RTEL1: variants seen among roughly 807,000 people sequenced by gnomAD.
RTEL1 encodes the protein regulator of telomere length.
Under a neutral mutation model 162.2 loss-of-function variants are expected in RTEL1, and 86 were observed. The observed-to-expected ratio is 0.53, with a 90% CI of 0.45 to 0.63. The LOEUF (loss-of-function observed/expected upper bound fraction) is 0.63, where lower values mean the gene tolerates loss of function less well. Ranked by LOEUF, RTEL1 falls within the 30% of genes least tolerant of loss-of-function variation. RTEL1 has a pLI of 0.00. For missense variants in RTEL1, 1,941 were observed against 1,750.2 expected (o/e 1.11, Z -1.95); for synonymous variants, 958 against 717.9 (o/e 1.33, Z -5.35).
In RTEL1 at chr20:63,659,365, C is replaced by G. The variant is rs1569077522; in HGVS notation, c.-38C>G. 1 of 1,508,750 alleles carries G rather than the reference C, an allele frequency of 6.6e-7. No individual in the cohort carries two copies. The highest frequency in any genetic ancestry group is 9.2e-7 in the Non-Finnish European group (1 of 1,084,254). 93.5% of individuals were successfully genotyped at this position (1,508,750 alleles called of 1,614,324 possible). A position where few individuals can be genotyped will look rare whatever the true frequency, so the allele number is the denominator to read the frequency against. ...TCGCACAGACCCGAATAGCCTGCCCCTCAGCCACGCTCTGTGCCCTTCTGA... is the reference window on the plus strand; with the variant it reads ...TCGCACAGACCCGAATAGCCTGCCCGTCAGCCACGCTCTGTGCCCTTCTGA... On this transcript the variant is annotated 5_prime_UTR_variant, in exon 2 of 35. Transcript: ENST00000360203.
chr20:63,689,670 C>T (rs759370173), intron 23 of RTEL1, 22 bp downstream of exon 23: 5 of 1,608,604 alleles, frequency 3.1e-6, no homozygotes, highest in Admixed American at 1.7e-5. Context: ...CAGGGTGGGG[C>T]TGGGGTAAGG....
In RTEL1 at chr20:63,690,365, G is replaced by C. The variant is rs769675904; in HGVS notation, c.2337G>C (p.Ser779=). 6.2e-7 allele frequency: 1 copy of C among 1,611,764 alleles called. No homozygotes were observed. The highest frequency in any genetic ancestry group is 8.5e-7 in the Non-Finnish European group (1 of 1,179,436). Residue 779 remains serine, a synonymous_variant, in exon 26 of 35, where the codon TCG becomes TCC. Coordinates refer to ENST00000360203, the MANE Select transcript of RTEL1 (RefSeq NM_001283009.2). The part of the protein sequence containing the change: ...RGEDAVSEAK[S]PGPFFSTRKA... The stretch of plus-strand genomic sequence containing the variant: ...AAGATGCTGTCAGCGAGGCCAAGTC[G>C]CCTGGCCCCTTCTTCTCCACCAGGA...
chr20:63,679,822 T>G, intron 12 of RTEL1, 27 bp from the exon 13 acceptor site: 1 of 1,590,728 alleles, frequency 6.3e-7, no homozygotes, highest in Non-Finnish European at 8.6e-7. Context: ...CCCGCCAGGC[T>G]CGAGCCTGCC....
intron 10 of RTEL1, among the ~76,000 whole-genome samples, chr20:63,674,698 A>T (rs2090314131): frequency 7.0e-6 from 1 of 142,642 alleles, no homozygotes; most frequent in African/African-American, 2.5e-5. Flanking sequence ...AGGCCATCTC[A>T]AAAAAAAAAA....
Position 63,687,684 on chromosome 20 carries a change from C to G in RTEL1, c.1395C>G (p.His465Gln). The G allele has an allele frequency of 6.2e-7, 1 of 1,608,814 alleles. No individual in the cohort carries two copies. Among genetic ancestry groups the G allele is most frequent in the Non-Finnish European group, 8.5e-7 (1 of 1,179,220 alleles). The change falls in exon 17 of 35, where the codon CAC (histidine) becomes CAG (glutamine). Residue 465 changes from histidine to glutamine, a missense_variant. Physicochemically the swap from His to Gln is conservative, Grantham distance 24 (BLOSUM62 0). Coordinates refer to ENST00000360203, the MANE Select transcript of RTEL1 (RefSeq NM_001283009.2). Reference protein sequence around the residue: ...YWCFSPGHSMHELVRQGVRSL... With the variant: ...YWCFSPGHSMQELVRQGVRSL... ...GCTTCAGTCCCGGCCACAGCATGCA[C>G]GAGCTGGTCCGCCAGGGCGTCCGCT...
At chr20:63,662,937 C>A in intron 6 of RTEL1, 48 bp downstream of exon 6, 1 of 1,562,982 alleles carries the variant, frequency 6.4e-7, no homozygotes, top group Non-Finnish European at 8.8e-7. Flanking sequence ...TGTGTGCAGC[C>A]TCTCAGGGTG....
intron 30 of RTEL1, 133 bp from the exon 31 acceptor site, chr20:63,694,239 G>C (rs2090906292): frequency 2.6e-6 from 2 of 755,222 alleles, no homozygotes; most frequent in Admixed American, 1.9e-5. Flanking sequence ...ACCCAGGCGT[G>C]TACCTGCCTG....
chr20:63,688,308 C>T lies in RTEL1; in HGVS notation c.1644C>T (p.Ile548=), dbSNP rs916261853. ...CGGCCCCTGCACTTCCAGGCAACAT[C>T]GCCCGCGTGGTGCCCTATGGGCTCC... The part of the protein sequence containing the change: ...LSSLGKALGN[I]ARVVPYGLLI... Residue 548 remains isoleucine, a synonymous_variant, in exon 20 of 35, where the codon ATC becomes ATT. Transcript: ENST00000360203. The T allele has an allele frequency of 1.9e-6, 3 of 1,612,188 alleles. No homozygotes were observed. Among genetic ancestry groups the T allele is most frequent in the Admixed American group, 3.3e-5 (2 of 59,998 alleles).
At chr20:63,681,277 CTG>C (rs2090472751) in intron 14 of RTEL1, 1 of 985,316 alleles carries the variant, frequency 1.0e-6, no homozygotes, top group Non-Finnish European at 1.2e-6. Flanking sequence ...CCTGCTTTCC[CTG>C]GCGTAGAGGT....
rs898920373 is a variant in RTEL1 at position 63,696,241 on chromosome 20, G to A, written c.*383G>A. ...GCTCTCTAATAAAGCTGCTGGCAGT[G>A]CCCAGGACGGTGTCTTCGTGGCCTG... On this transcript the variant is annotated 3_prime_UTR_variant, in exon 35 of 35. Coordinates refer to ENST00000360203, the MANE Select transcript of RTEL1 (RefSeq NM_001283009.2). 3.3e-6 allele frequency: 1 copy of A among 306,836 alleles called. No individual in the cohort carries two copies. Among genetic ancestry groups the A allele is most frequent in the Admixed American group, 4.6e-5 (1 of 21,740 alleles). The allele number at this position is 306,836 out of a possible 1,614,324, so 19.0% of individuals were successfully genotyped here.
At chr20:63,694,322 AC>A in intron 30 of RTEL1, 49 bp from the exon 31 acceptor site, 1 of 738,792 alleles carries the variant, frequency 1.4e-6, no homozygotes, top group Non-Finnish European at 2.3e-6. Flanking sequence ...ACCCCAGGGA[AC>A]TTTCCAGATG....
At chr20:63,690,021 CA>C in intron 24 of RTEL1, 65 bp from the exon 25 acceptor site, 1 of 1,582,090 alleles carries the variant, frequency 6.3e-7, no homozygotes. Context: ...TGAGGGTCTT[CA>C]CTTCGGTGAA....
chr20:63,691,785 C>T lies in RTEL1; in HGVS notation c.2600C>T (p.Pro867Leu), dbSNP rs139083375. ...STLSLLSEKRPAEEPRGGRKK... is the reference protein window; with the variant it reads ...STLSLLSEKRLAEEPRGGRKK... Reference sequence around the variant, plus strand: ...CTGTCCCTCCTGTCTGAGAAGAGGCCGGCAGAAGAACCGCGAGGAGGGAGG... The same window carrying T: ...CTGTCCCTCCTGTCTGAGAAGAGGCTGGCAGAAGAACCGCGAGGAGGGAGG... Residue 867 changes from proline (P) to leucine (L), a missense_variant, in exon 28 of 35, where the codon CCG becomes CTG. Pro to Leu is a moderately conservative substitution (Grantham distance 98). Coordinates refer to ENST00000360203, the MANE Select transcript of RTEL1 (RefSeq NM_001283009.2). The T allele has an allele frequency of 7.3e-4, 1,170 of 1,612,468 alleles. 3 individuals carry two copies. Among genetic ancestry groups the T allele is most frequent in the Non-Finnish European group, 8.9e-4 (1,054 of 1,179,832 alleles).
Position 63,690,146 on chromosome 20 carries a change from T to C in RTEL1, c.2201T>C (p.Val734Ala), listed in dbSNP as rs1424464910. ...LPSWVRPHVR[V>A]YDNFGHVIRD... ...TCCTGGGTGCGTCCCCACGTCAGGGTGTATGACAACTTTGGCCATGTCATC... is the reference window on the plus strand; with the variant it reads ...TCCTGGGTGCGTCCCCACGTCAGGGCGTATGACAACTTTGGCCATGTCATC... Residue 734 changes from valine (V) to alanine (A), a missense_variant, in exon 25 of 35, where the codon GTG becomes GCG. Physicochemically the swap from Val to Ala is moderately conservative, Grantham distance 64. Transcript: ENST00000360203. 2 of 1,612,434 alleles carry C rather than the reference T, an allele frequency of 1.2e-6. No individual in the cohort carries two copies. Among genetic ancestry groups the C allele is most frequent in the South Asian group, 2.2e-5 (2 of 91,072 alleles).
intron 16 of RTEL1, chr20:63,686,084 T>G (rs1319808363): frequency 3.3e-6 from 2 of 602,404 alleles, no homozygotes; most frequent in Non-Finnish European, 5.9e-6. Flanking sequence ...GATGGCACCG[T>G]GACCTGCCCA....
chr20:63,687,534 G>A, intron 16 of RTEL1, 104 bp from the exon 17 acceptor site: 1 of 1,316,964 alleles, frequency 7.6e-7, no homozygotes, highest in Non-Finnish European at 1.0e-6. Flanking sequence ...CGGCTCGCTT[G>A]CTTGATGCCA....
intron 31 of RTEL1, 31 bp downstream of exon 31, chr20:63,694,519 C>T (rs561142141): frequency 1.7e-5 from 26 of 1,524,946 alleles, no homozygotes; most frequent in East Asian, 2.3e-5. Flanking sequence ...GTGCAGCCTA[C>T]GACTTGGTGG....
At chr20:63,691,602 G>T in intron 27 of RTEL1, 140 bp from the exon 28 acceptor site, 1 of 678,594 alleles carries the variant, frequency 1.5e-6, no homozygotes, top group East Asian at 2.6e-5. Context: ...CTGTCACCGG[G>T]GTGTGCTGTG....
In RTEL1 at chr20:63,673,966, C is replaced by G. The variant is rs768600790; in HGVS notation, c.792C>G (p.Ser264=). The change falls in exon 10 of 35, where the codon TCC becomes TCG. Residue 264 remains serine, a synonymous_variant. Transcript: ENST00000360203. ...NVEKMCEESA[S]FDLTPHDLAS... is the part of the protein sequence containing the mutation. ...AGAAGATGTGTGAAGAATCGGCATC[C>G]TTTGACCTGACTCCCCATGACCTGG... 6.2e-6 allele frequency: 10 copies of G among 1,613,632 alleles called. No individual in the cohort carries two copies. Among genetic ancestry groups the G allele is most frequent in the Non-Finnish European group, 7.6e-6 (9 of 1,179,680 alleles).
Sources: gnomAD v4.1 joint callset for allele counts (sites outside exome capture counted in the v4.1 genomes callset) on GRCh38, gnomAD v4.1.1 for gene constraint, MANE v1.5 for transcripts, NCBI Gene and HGNC (gene_info 2026-07-23, HGNC 2026-07-21) for gene names.